The following CAMK2G variants were observed in gnomAD, a reference collection of about 807,000 sequenced individuals.
CAMK2G encodes calcium/calmodulin dependent protein kinase II gamma, also known as calcium/calmodulin-dependent protein kinase type II subunit gamma.
CAMK2G carries 23 observed loss-of-function variants against 88.7 expected under a neutral mutation model. The ratio of observed to expected loss-of-function variants is 0.26; its 90% CI spans 0.19 to 0.37. The LOEUF (loss-of-function observed/expected upper bound fraction) is 0.37, where lower values mean the gene tolerates loss of function less well. Ranked by LOEUF, CAMK2G falls within the 10% of genes least tolerant of loss-of-function variation. The probability of loss-of-function intolerance (pLI) is 1.00; values close to 1 mark genes in which losing one functional copy is unlikely to be tolerated. For synonymous variants in CAMK2G, 263 were observed against 294.8 expected (o/e 0.89, Z 1.11); for missense variants, 476 against 780.8 (o/e 0.61, Z 4.65).
chr10:73,851,772 G>A (rs2094646004), intron 5 of CAMK2G, among the ~76,000 whole-genome samples: 2 of 148,696 alleles, frequency 1.3e-5, no homozygotes, highest in South Asian at 4.2e-4. Flanking sequence ...GGGGGACATA[G>A]TCTCGCTCTG....
intron 22 of CAMK2G, 35 bp from the exon 23 acceptor site, chr10:73,814,540 A>T (rs1217962671): frequency 5.9e-6 from 1 of 168,874 alleles, no homozygotes; most frequent in Non-Finnish European, 1.3e-5. Context: ...AACAGAACAG[A>T]GGACAATGAG....
Position 73,830,300 on chromosome 10 carries a change from G to T in CAMK2G, c.1054-2179C>A, listed in dbSNP as rs2092216098. 3.3e-5 allele frequency among the ~76,000 whole-genome samples: 5 copies of T among 152,168 alleles called. No individual in the cohort carries two copies. The South Asian group carries it at 1.0e-3, about 32-fold the overall frequency. On this transcript the variant is annotated intron_variant, in intron 14 of 22. Coordinates refer to ENST00000423381, the MANE Select transcript of CAMK2G (RefSeq NM_001367534.1). ...TTTTTATTATTTTTTTAGAGATAAG[G>T]TCTTGCTCTATTGCCCGGGCTGAAG... is the stretch of plus-strand genomic sequence containing the variant.
rs145696829 is a variant in CAMK2G at position 73,848,648 on chromosome 10, T to C, written c.518-39A>G. On this transcript the variant is annotated intron_variant, in intron 7 of 22. Coordinates refer to ENST00000423381, the MANE Select transcript of CAMK2G (RefSeq NM_001367534.1). This position sits in a 1 kb window ranked among gnomAD's most constrained non-coding sequence, Gnocchi z 4.5. ...GAGGGCAGAGGCATACTGAACCCAC[T>C]TTCTCTCTCGTTAAATCCACACCAG... 8.3e-6 allele frequency: 10 copies of C among 1,209,888 alleles called. No homozygotes were observed. The East Asian group carries it at 1.9e-4, about 24-fold the overall frequency. The allele number at this position is 1,209,888 out of a possible 1,614,324, so 74.9% of individuals were successfully genotyped here.
intron 22 of CAMK2G, 71 bp downstream of exon 22, chr10:73,814,932 C>T: frequency 9.4e-7 from 1 of 1,068,836 alleles, no homozygotes; most frequent in Non-Finnish European, 1.4e-6. Flanking sequence ...CACCTCCCAG[C>T]CTTCTCTTCT....
intron 5 of CAMK2G, among the ~76,000 whole-genome samples, chr10:73,851,239 G>A (rs2094589821): frequency 6.6e-6 from 1 of 152,226 alleles, no homozygotes; most frequent in Non-Finnish European, 1.5e-5. Flanking sequence ...TAAGCTGCAG[G>A]CAGGATGATC....
At position 73,842,321 on chromosome 10, in the gene CAMK2G, C is replaced by A; in HGVS notation, c.904-110G>T. The A allele has an allele frequency of 6.1e-6, 7 of 1,153,046 alleles. No individual in the cohort carries two copies. The highest frequency in any genetic ancestry group is 9.2e-6 in the Non-Finnish European group (7 of 761,780). 71.4% of individuals were successfully genotyped at this position (1,153,046 alleles called of 1,614,324 possible). On this transcript the variant is annotated intron_variant, in intron 11 of 22. Transcript: ENST00000423381. The surrounding 1 kb of genome is among the most constrained non-coding windows in gnomAD (Gnocchi z 4.6). ...AGCCTGAAGACATCAGGCCTCTGGG[C>A]CCCCTCCCCTGTGACATGTACAACC...
At chr10:73,824,548 G>C (rs992906287) in intron 16 of CAMK2G, among the ~76,000 whole-genome samples, 2 of 152,222 alleles carry the variant, frequency 1.3e-5, no homozygotes, top group African/African-American at 4.8e-5. Context: ...GGCCCCCTCA[G>C]CAAGCTGAGC....
intron 3 of CAMK2G, among the ~76,000 whole-genome samples, chr10:73,856,490 G>T (rs2095049462): frequency 6.6e-6 from 1 of 152,236 alleles, no homozygotes; most frequent in Non-Finnish European, 1.5e-5. Context: ...CTGTGAAGAA[G>T]AGGAGCCGGC....
intron 16 of CAMK2G, among the ~76,000 whole-genome samples, chr10:73,824,483 T>C (rs1388960422): frequency 6.6e-6 from 1 of 152,122 alleles, no homozygotes; most frequent in African/African-American, 2.4e-5. Context: ...GGGGAATGTG[T>C]GAGGCAGGAA....
chr10:73,863,281 C>T (rs909501307), intron 2 of CAMK2G, among the ~76,000 whole-genome samples: 2 of 152,170 alleles, frequency 1.3e-5, no homozygotes, highest in Non-Finnish European at 2.9e-5. Context: ...CCAGGAGAAC[C>T]CCAAGTAACT....
intron 10 of CAMK2G, chr10:73,847,017 A>G: frequency 1.8e-6 from 1 of 553,626 alleles, no homozygotes; most frequent in Non-Finnish European, 3.2e-6. Flanking sequence ...TGGGGGAGAG[A>G]GGAGCAGTGG....
At chr10:73,826,052 C>G (rs558946209) in intron 15 of CAMK2G, among the ~76,000 whole-genome samples, 79 of 152,280 alleles carry the variant, frequency 5.2e-4, no homozygotes, top group African/African-American at 1.8e-3. Context: ...GTCCCAGAAT[C>G]CAGCCCCCAG....
chr10:73,816,193 C>T (rs1165894966), intron 21 of CAMK2G: 2 of 985,406 alleles, frequency 2.0e-6, no homozygotes, highest in African/African-American at 1.7e-5. Context: ...CTTCTTATCC[C>T]CTTATTTTCC....
At chr10:73,829,461 AT>A (rs1286846518) in intron 14 of CAMK2G, among the ~76,000 whole-genome samples, 6 of 149,810 alleles carry the variant, frequency 4.0e-5, no homozygotes, top group African/African-American at 9.8e-5. Flanking sequence ...CGCCCCACTG[AT>A]TTTTTTTTGT....
At chr10:73,841,957 T>C (rs925352556) in intron 12 of CAMK2G, 7 of 587,294 alleles carry the variant, frequency 1.2e-5, no homozygotes, top group East Asian at 5.7e-5. Context: ...TGGGAAGTTC[T>C]AGGAAACAAT....
chr10:73,838,668 T>C (rs1324528737), intron 13 of CAMK2G, among the ~76,000 whole-genome samples: 1 of 152,196 alleles, frequency 6.6e-6, no homozygotes, highest in Non-Finnish European at 1.5e-5. Context: ...AAAAAGACCT[T>C]TGATCTTATC....
At chr10:73,841,996 C>G in intron 12 of CAMK2G, 173 bp downstream of exon 12, 1 of 650,014 alleles carries the variant, frequency 1.5e-6, no homozygotes, top group South Asian at 1.8e-5. Flanking sequence ...CCCCCTGAAT[C>G]TCAGGAGCAG....
chr10:73,825,345 T>G lies in CAMK2G; in HGVS notation c.1089A>C (p.Pro363=). ...RKSSSSVHLM[P]QSNNKNSLVS... is the part of the protein sequence containing the mutation. ...CGAGACTGTTTTTGTTGTTGCTCTG[T>G]GGCTGAGACAAGAAAACAGATGGTT... Residue 363 remains proline (P), a splice_region_variant and synonymous_variant, in exon 16 of 23, where the codon CCA becomes CCC. Transcript: ENST00000423381. 2 of 1,613,582 alleles carry G rather than the reference T, an allele frequency of 1.2e-6. No individual in the cohort carries two copies. The highest frequency in any genetic ancestry group is 1.7e-6 in the Non-Finnish European group (2 of 1,179,484).
Position 73,819,553 on chromosome 10 carries a change from G to A in CAMK2G, c.1342C>T (p.Pro448Ser). ...TTACTGGCTGAGGAGCAGAGAGAAGGCTGGGGCTGCATGCCTGCAGAGGGG... is the reference window on the plus strand; with the variant it reads ...TTACTGGCTGAGGAGCAGAGAGAAGACTGGGGCTGCATGCCTGCAGAGGGG... ...TAPSAGMQPQPSLCSSAMRKQ... is the reference protein window; with the variant it reads ...TAPSAGMQPQSSLCSSAMRKQ... Residue 448 changes from proline to serine, a missense_variant, in exon 19 of 23, where the codon CCT becomes TCT. By Grantham distance (74) the Pro-to-Ser change is moderately conservative. Around this residue, in one of 3 missense-constraint regions of CAMK2G, gnomAD observed 278 missense variants for 366.5 expected, o/e 0.76. Transcript: ENST00000423381. The A allele has an allele frequency of 1.9e-6, 3 of 1,549,326 alleles. No individual in the cohort carries two copies. Among genetic ancestry groups the A allele is most frequent in the South Asian group, 1.2e-5 (1 of 83,998 alleles).
Sources: gnomAD v4.1 joint callset for allele counts (sites outside exome capture counted in the v4.1 genomes callset) on GRCh38, gnomAD v4.1.1 for gene constraint, gnomAD v4.1.1 regional missense constraint, Gnocchi (gnomAD v3.1) non-coding constraint, MANE v1.5 for transcripts, NCBI Gene and HGNC (gene_info 2026-07-23, HGNC 2026-07-21) for gene names.